The following PTPRM variants were observed in gnomAD, a reference collection of about 807,000 sequenced individuals.
The protein encoded by PTPRM is receptor-type tyrosine-protein phosphatase mu.
A neutral mutation model predicts 186.7 loss-of-function variants in PTPRM; 47 were observed. The observed-to-expected ratio is 0.25, with a 90% CI of 0.20 to 0.32. PTPRM has a LOEUF of 0.32. Among genes scored for constraint, PTPRM ranks in the 10% least tolerant of loss-of-function variants. The pLI, the probability that PTPRM is intolerant of heterozygous loss-of-function variation, is 1.00. For synonymous variants in PTPRM, 668 were observed against 674.9 expected (o/e 0.99, Z 0.16); for missense variants, 1,494 against 1,865.0 (o/e 0.80, Z 3.66).
intron 5 of PTPRM, among the ~76,000 whole-genome samples, chr18:7,945,124 C>G (rs2052431498): frequency 6.6e-6 from 1 of 151,972 alleles, no homozygotes; most frequent in East Asian, 1.9e-4. Context: ...ACACTCAGCC[C>G]CCTCACCATG....
At chr18:7,700,433 A>G (rs996320007) in intron 1 of PTPRM, among the ~76,000 whole-genome samples, 1 of 152,208 alleles carries the variant, frequency 6.6e-6, no homozygotes, top group African/African-American at 2.4e-5. Context: ...TGGCAAAAGG[A>G]TGAGCTGTAG....
intron 1 of PTPRM, among the ~76,000 whole-genome samples, chr18:7,715,536 G>T (rs1311711699): frequency 6.6e-6 from 1 of 152,142 alleles, no homozygotes; most frequent in African/African-American, 2.4e-5. Flanking sequence ...GAAATAAAGG[G>T]TATTCAAATA....
Position 7,954,443 on chromosome 18 carries a change from T to G in PTPRM, c.839-678T>G, listed in dbSNP as rs866494855. 1.1e-4 allele frequency among the ~76,000 whole-genome samples: 16 copies of G among 152,202 alleles called. 1 individual carries two copies. Among genetic ancestry groups the G allele is most frequent in the Admixed American group, 6.5e-4 (10 of 15,278 alleles). On this transcript the variant is annotated intron_variant, in intron 6 of 32. Transcript: ENST00000580170. Reference sequence around the variant, plus strand: ...AAAATGAATCCATTGTGATAGTTATTTTGGAAAATGAGTCATCCTGGAAAT... The same window carrying G: ...AAAATGAATCCATTGTGATAGTTATGTTGGAAAATGAGTCATCCTGGAAAT...
At chr18:8,278,204 G>A (rs764578011) in intron 19 of PTPRM, among the ~76,000 whole-genome samples, 1 of 152,176 alleles carries the variant, frequency 6.6e-6, no homozygotes, top group African/African-American at 2.4e-5. Context: ...TATCTATACA[G>A]CAGGCAAAGT....
chr18:8,083,149 A>G (rs951616332), intron 9 of PTPRM, among the ~76,000 whole-genome samples: 1 of 152,002 alleles, frequency 6.6e-6, no homozygotes, highest in African/African-American at 2.4e-5. Flanking sequence ...TACTACTTCA[A>G]TTGCCCCACC....
At chr18:7,788,673 T>C (rs923170737) in intron 2 of PTPRM, among the ~76,000 whole-genome samples, 9 of 152,232 alleles carry the variant, frequency 5.9e-5, no homozygotes, top group African/African-American at 2.2e-4. Context: ...GGAAATTTCA[T>C]GTGCATGGAT....
At chr18:8,214,602 G>A (rs1437664047) in intron 14 of PTPRM, among the ~76,000 whole-genome samples, 1 of 152,072 alleles carries the variant, frequency 6.6e-6, no homozygotes, top group African/African-American at 2.4e-5. Context: ...TTTAAATCCA[G>A]CCTAAGTTTT....
intron 31 of PTPRM, among the ~76,000 whole-genome samples, chr18:8,387,900 C>T (rs563373791): frequency 3.9e-5 from 6 of 151,942 alleles, no homozygotes; most frequent in South Asian, 4.2e-4. Context: ...ACACATAGCC[C>T]GCAGCCTTAC....
intron 4 of PTPRM, among the ~76,000 whole-genome samples, chr18:7,920,193 T>C (rs752897699): frequency 5.3e-5 from 8 of 152,154 alleles, no homozygotes; most frequent in Non-Finnish European, 1.2e-4. Flanking sequence ...TTACATTCAA[T>C]GTCATTATTA....
In PTPRM at chr18:8,372,056, C is replaced by CTTTTTTTTTTTTTTTTTTTTTTTTTT. The variant is rs557766971; in HGVS notation, c.3171+1051_3171+1076dup. ...TTGGCCTTCCTCTCCACTCTATATT[C>CTTTTTTTTTTTTTTTTTTTTTTTTTT]TTTTTTTTTTTTTTTTTTTTTTTTT... is the stretch of plus-strand genomic sequence containing the variant. On this transcript the variant is annotated intron_variant, in intron 24 of 32. Coordinates refer to ENST00000580170, the MANE Select transcript of PTPRM (RefSeq NM_001105244.2). 3.2e-4 allele frequency among the ~76,000 whole-genome samples: 19 copies of CTTTTTTTTTTTTTTTTTTTTTTTTTT among 59,068 alleles called. 7 individuals are homozygous for CTTTTTTTTTTTTTTTTTTTTTTTTTT. Among genetic ancestry groups the CTTTTTTTTTTTTTTTTTTTTTTTTTT allele is most frequent in the East Asian group, 1.1e-3 (2 of 1,894 alleles). The allele number at this position is 59,068 out of a possible 152,430, so 38.8% of individuals were successfully genotyped here.
chr18:7,829,099 ACTAT>A (rs1567881089), intron 2 of PTPRM, among the ~76,000 whole-genome samples: 4 of 152,170 alleles, frequency 2.6e-5, no homozygotes, highest in Non-Finnish European at 4.4e-5. Context: ...TGCCATTTGG[ACTAT>A]CTGCATCATT....
chr18:7,733,259 C>T (rs2144418554), intron 1 of PTPRM, among the ~76,000 whole-genome samples: 1 of 152,158 alleles, frequency 6.6e-6, no homozygotes, highest in East Asian at 1.9e-4. Context: ...CCAACAGGCC[C>T]TGGTGTGTGT....
intron 2 of PTPRM, among the ~76,000 whole-genome samples, chr18:7,808,867 G>A (rs950311467): frequency 1.3e-5 from 2 of 152,094 alleles, no homozygotes; most frequent in Non-Finnish European, 2.9e-5. Context: ...AATATTCAAC[G>A]TGAATTTGCA....
rs544016902 is a variant in PTPRM at position 7,827,779 on chromosome 18, A to T, written c.196+53508A>T. Among the ~76,000 whole-genome samples, 9 of 152,350 alleles carry T rather than the reference A, an allele frequency of 5.9e-5. No homozygotes were observed. In the South Asian group the frequency reaches 1.9e-3, roughly 32 times the overall value. ...TGTGAGCACGTGTGCCCATGTCAAT[A>T]CATTTATATATCCATAGTGGACATG... is the stretch of plus-strand genomic sequence containing the variant. On this transcript the variant is annotated intron_variant, in intron 2 of 32. Transcript: ENST00000580170.
At chr18:7,621,596 T>A (rs2037940465) in intron 1 of PTPRM, among the ~76,000 whole-genome samples, 1 of 152,206 alleles carries the variant, frequency 6.6e-6, no homozygotes. Flanking sequence ...TTTACTGCCC[T>A]AAAAATCCTC....
chr18:8,029,117 C>T (rs543296904), intron 7 of PTPRM, among the ~76,000 whole-genome samples: 2 of 152,322 alleles, frequency 1.3e-5, no homozygotes, highest in South Asian at 2.1e-4. Flanking sequence ...GGTTCTCTCA[C>T]CTCAAGATCA....
chr18:8,082,079 T>A (rs1246214525), intron 9 of PTPRM, among the ~76,000 whole-genome samples: 1 of 152,082 alleles, frequency 6.6e-6, no homozygotes, highest in East Asian at 1.9e-4. Flanking sequence ...CCACTTGTCT[T>A]GAGTGTTTAC....
intron 2 of PTPRM, among the ~76,000 whole-genome samples, chr18:7,872,919 A>G (rs980513823): frequency 2.0e-5 from 3 of 152,216 alleles, no homozygotes; most frequent in African/African-American, 7.2e-5. Flanking sequence ...ATTTTATTGC[A>G]TTAGGAAGCA....
At chr18:8,269,466 A>C (rs1239816621) in intron 19 of PTPRM, among the ~76,000 whole-genome samples, 2 of 152,046 alleles carry the variant, frequency 1.3e-5, no homozygotes, top group Non-Finnish European at 2.9e-5. Context: ...CATATTACCC[A>C]AACTGACCAA....
Sources: gnomAD v4.1 joint callset for allele counts (sites outside exome capture counted in the v4.1 genomes callset) on GRCh38, gnomAD v4.1.1 for gene constraint, MANE v1.5 for transcripts, NCBI Gene and HGNC (gene_info 2026-07-23, HGNC 2026-07-21) for gene names.